The following ABCB7 variants were observed in gnomAD, a reference collection of about 807,000 sequenced individuals.
The protein encoded by ABCB7 is ATP binding cassette subfamily B member 7, also known as iron-sulfur clusters transporter ABCB7, mitochondrial.
A neutral mutation model predicts 54.4 loss-of-function variants in ABCB7; 7 were observed. The ratio of observed to expected loss-of-function variants is 0.13; its 90% confidence interval spans 0.07 to 0.24. ABCB7 has a LOEUF of 0.24. Ranked by LOEUF, ABCB7 falls within the 10% of genes least tolerant of loss-of-function variation. The pLI is 1.00. For synonymous variants in ABCB7, 218 were observed against 207.1 expected (o/e 1.05, Z -0.45); for missense variants, 356 against 570.4 (o/e 0.62, Z 3.83).
chrX:75,060,314 A>G lies in ABCB7; in HGVS notation c.1952T>C (p.Met651Thr). 8.3e-7 allele frequency: 1 copy of G among 1,206,507 alleles called. No individual in the cohort carries two copies. The highest frequency in any genetic ancestry group is 1.1e-6 in the Non-Finnish European group (1 of 890,627). Residue 651 changes from methionine to threonine, a missense_variant, in exon 15 of 16, where the codon ATG (methionine) becomes ACG (threonine). By Grantham distance (81) the Met-to-Thr change is moderately conservative. This residue lies in a region of ABCB7 where 241 missense variants were observed against 470.9 expected (regional missense o/e 0.51). Transcript: ENST00000373394. ...SITEETILGA[M>T]KDVVKHRTSI... ...AGTTCTGTGTTTGACCACATCCTTC[A>G]TGGCACCAAGAATAGTCTGCAAGTT...
chrX:75,101,772 T>C (rs2081641995), intron 3 of ABCB7, among the ~76,000 whole-genome samples: 1 of 111,804 alleles, frequency 8.9e-6, no homozygotes, highest in African/African-American at 3.2e-5. Context: ...CTCTCTTCTA[T>C]CAAAACCTTC....
Position 75,107,376 on chromosome X carries a change from G to A in ABCB7, c.333+5510C>T, listed in dbSNP as rs774458015. 6.3e-5 allele frequency among the ~76,000 whole-genome samples: 7 copies of A among 111,332 alleles called. No individual in the cohort carries two copies. The South Asian group carries it at 2.7e-3, about 43-fold the overall frequency. Reference sequence around the variant, plus strand: ...CACAACCTACTGAGACACCAGCTGGGGTGGCTAAGGGAGTGCTGGCATTGC... The same window carrying A: ...CACAACCTACTGAGACACCAGCTGGAGTGGCTAAGGGAGTGCTGGCATTGC... On this transcript the variant is annotated intron_variant, in intron 3 of 15. Transcript: ENST00000373394.
chrX:75,119,431 G>C (rs2081854441), intron 1 of ABCB7, among the ~76,000 whole-genome samples: 1 of 112,293 alleles, frequency 8.9e-6, no homozygotes. Flanking sequence ...TTGAACACTG[G>C]AATAAAAGTA....
intron 3 of ABCB7, among the ~76,000 whole-genome samples, chrX:75,104,361 G>A (rs764832298): frequency 3.4e-4 from 37 of 108,616 alleles, no homozygotes; most frequent in Non-Finnish European, 5.6e-4. Flanking sequence ...AAAAGGAGAC[G>A]TTACAACTGA....
intron 3 of ABCB7, among the ~76,000 whole-genome samples, chrX:75,104,047 G>GTTTTTTTTGTTTTTTTTTTT (rs2081664100): frequency 2.2e-4 from 3 of 13,443 alleles, no homozygotes; most frequent in Non-Finnish European, 5.2e-4. Context: ...TCTTGTTACA[G>GTTTTTTTTGTTTTTTTTTTT]TTTTTTTTTT....
At chrX:75,053,669 G>T (rs1008541321) in intron 15 of ABCB7, 84 bp from the exon 16 acceptor site, 4 of 1,128,677 alleles carry the variant, frequency 3.5e-6, no homozygotes, top group South Asian at 4.0e-5. Context: ...TTCTAACTAA[G>T]GAGTTTGAAG....
At chrX:75,087,453 T>C (rs756288524) in intron 4 of ABCB7, among the ~76,000 whole-genome samples, 9 of 112,106 alleles carry the variant, frequency 8.0e-5, no homozygotes, top group African/African-American at 2.6e-4. Flanking sequence ...TTCATGAAAA[T>C]TAGGTCTAGG....
At position 75,075,265 on chromosome X, in the gene ABCB7, A is replaced by G. The variant is rs767123869; in HGVS notation, c.855+97T>C. 3.6e-4 allele frequency: 369 copies of G among 1,026,180 alleles called. 2 individuals carry two copies. In the South Asian group the frequency reaches 7.2e-3, roughly 20 times the overall value. 84.6% of individuals were successfully genotyped at this position (1,026,180 alleles called of 1,213,427 possible). Reference sequence around the variant, plus strand: ...CTGGCATCATGGAATTTTGCTTTCAAGCCCATGGGCATGCAACAGTACAAC... The same window carrying G: ...CTGGCATCATGGAATTTTGCTTTCAGGCCCATGGGCATGCAACAGTACAAC... On this transcript the variant is annotated intron_variant, in intron 6 of 15. Transcript: ENST00000373394.
intron 1 of ABCB7, among the ~76,000 whole-genome samples, chrX:75,132,477 C>G (rs1438742757): frequency 8.9e-6 from 1 of 112,751 alleles, no homozygotes; most frequent in Non-Finnish European, 1.9e-5. Context: ...GGTCGCCAAC[C>G]CTGTTGACTC....
chrX:75,072,393 T>C (rs979589267), intron 8 of ABCB7, among the ~76,000 whole-genome samples: 1 of 111,827 alleles, frequency 8.9e-6, no homozygotes, highest in African/African-American at 3.2e-5. Flanking sequence ...TAGAGTGTAC[T>C]TACACAAACC....
At chrX:75,125,025 T>C (rs1365413349) in intron 1 of ABCB7, among the ~76,000 whole-genome samples, 1 of 112,063 alleles carries the variant, frequency 8.9e-6, no homozygotes, top group African/African-American at 3.2e-5. Context: ...AGCTGGACAA[T>C]TTCATTATGT....
intron 4 of ABCB7, among the ~76,000 whole-genome samples, chrX:75,091,723 C>T (rs1259099768): frequency 1.8e-5 from 2 of 108,790 alleles, no homozygotes; most frequent in Admixed American, 9.8e-5. Context: ...AAAGCAATTA[C>T]AGCAAGGTTG....
At chrX:75,152,241 T>A (rs1285024616) in intron 1 of ABCB7, among the ~76,000 whole-genome samples, 2 of 112,279 alleles carry the variant, frequency 1.8e-5, no homozygotes, top group Non-Finnish European at 3.8e-5. Flanking sequence ...TAATCACCAA[T>A]GTGATGGTAT....
intron 3 of ABCB7, among the ~76,000 whole-genome samples, chrX:75,099,433 T>C (rs142173562): frequency 0.039 from 4,340 of 111,461 alleles, 101 homozygotes; most frequent in Middle Eastern, 0.07. Context: ...AAAATTTATA[T>C]ACATTTTGGC....
At chrX:75,110,995 C>T (rs2081755125) in intron 3 of ABCB7, among the ~76,000 whole-genome samples, 1 of 110,730 alleles carries the variant, frequency 9.0e-6, no homozygotes, top group South Asian at 3.8e-4. Flanking sequence ...TGGTGGTGCA[C>T]ACTTGTAGTC....
intron 1 of ABCB7, among the ~76,000 whole-genome samples, chrX:75,149,358 AG>A (rs2082115676): frequency 8.9e-6 from 1 of 112,109 alleles, no homozygotes; most frequent in South Asian, 3.7e-4. Flanking sequence ...ATAAAAAGTA[AG>A]TGTGCTTTGG....
At chrX:75,105,362 T>C (rs1403865047) in intron 3 of ABCB7, among the ~76,000 whole-genome samples, 1 of 111,394 alleles carries the variant, frequency 9.0e-6, no homozygotes, top group African/African-American at 3.3e-5. Context: ...TGAGCATTTC[T>C]ATACATCAAT....
At chrX:75,096,807 C>T (rs757004695) in intron 4 of ABCB7, among the ~76,000 whole-genome samples, 1 of 109,044 alleles carries the variant, frequency 9.2e-6, no homozygotes, top group Non-Finnish European at 1.9e-5. Context: ...TAACTTCTAA[C>T]AGTTGACCCA....
intron 4 of ABCB7, among the ~76,000 whole-genome samples, chrX:75,097,041 T>C (rs1317649515): frequency 9.0e-6 from 1 of 111,718 alleles, no homozygotes; most frequent in African/African-American, 3.3e-5. Context: ...CTTTTACACA[T>C]GGCCAGATTA....
Sources: allele counts gnomAD v4.1 joint callset (sites outside exome capture counted in the v4.1 genomes callset), GRCh38; gene constraint gnomAD v4.1.1; regional missense constraint gnomAD v4.1.1; transcripts MANE v1.5; gene names NCBI Gene and HGNC (gene_info 2026-07-23, HGNC 2026-07-21).